The following CASK variants were observed in gnomAD, a reference collection of about 807,000 sequenced individuals.
CASK encodes the protein peripheral plasma membrane protein CASK.
Under a neutral mutation model 82.9 loss-of-function variants are expected in CASK, and 4 were observed. That is an observed-to-expected ratio of 0.05 (90% CI 0.02 to 0.11). CASK has a LOEUF of 0.11. Among genes scored for constraint, CASK ranks in the 10% least tolerant of loss-of-function variants. The pLI is 1.00. For missense variants in CASK, 358 were observed against 720.9 expected, an observed-to-expected ratio of 0.50 and a Z score of 5.76; for synonymous variants, 259 against 253.5, an observed-to-expected ratio of 1.02 and a Z score of -0.20.
At chrX:41,791,718 A>G (rs2069724716) in intron 2 of CASK, among the ~76,000 whole-genome samples, 1 of 105,867 alleles carries the variant, frequency 9.4e-6, no homozygotes, top group African/African-American at 3.5e-5. Context: ...GGGAGACTCC[A>G]TCTCAGATTA....
At chrX:41,916,870 G>A (rs1046688734) in intron 1 of CASK, among the ~76,000 whole-genome samples, 1 of 112,024 alleles carries the variant, frequency 8.9e-6, no homozygotes, top group Non-Finnish European at 1.9e-5. Context: ...GAGAGTAAAA[G>A]AAGTAGAGAA....
chrX:41,713,827 TG>T (rs1480583941), intron 5 of CASK, among the ~76,000 whole-genome samples: 1 of 111,291 alleles, frequency 9.0e-6, no homozygotes, highest in Non-Finnish European at 1.9e-5. Context: ...ATGAATAAAG[TG>T]GAAATCGATG....
intron 6 of CASK, chrX:41,665,669 T>C: frequency 2.3e-6 from 1 of 432,558 alleles, no homozygotes; most frequent in Non-Finnish European, 4.0e-6. Flanking sequence ...ATAGGTATTC[T>C]GTCTTGTACA....
intron 8 of CASK, among the ~76,000 whole-genome samples, chrX:41,656,142 G>A (rs2066935975): frequency 8.9e-6 from 1 of 111,954 alleles, no homozygotes; most frequent in Non-Finnish European, 1.9e-5. Context: ...GTGGATAAAC[G>A]GGTACTGCAA....
intron 11 of CASK, among the ~76,000 whole-genome samples, chrX:41,611,884 G>GGA (rs2147285619): frequency 9.0e-6 from 1 of 111,294 alleles, no homozygotes; most frequent in East Asian, 2.9e-4. Flanking sequence ...TTTTTTTGGT[G>GGA]GAGACGGGGT....
chrX:41,826,811 G>C (rs765476836), intron 2 of CASK, among the ~76,000 whole-genome samples: 3 of 112,095 alleles, frequency 2.7e-5, no homozygotes, highest in Non-Finnish European at 5.6e-5. Context: ...TTTGTGTATG[G>C]CTAGTCTAAT....
At chrX:41,847,540 G>T (rs184191372) in intron 2 of CASK, among the ~76,000 whole-genome samples, 1 of 111,712 alleles carries the variant, frequency 9.0e-6, no homozygotes, top group Admixed American at 9.5e-5. Flanking sequence ...GTTTGCTCAG[G>T]AACAGTTTCT....
chrX:41,848,657 G>A (rs2071204901), intron 2 of CASK, among the ~76,000 whole-genome samples: 1 of 111,613 alleles, frequency 9.0e-6, no homozygotes, highest in African/African-American at 3.3e-5. Context: ...AAACACAAAT[G>A]TACTAAGACA....
At chrX:41,714,179 C>T (rs751499545) in intron 5 of CASK, among the ~76,000 whole-genome samples, 1 of 110,970 alleles carries the variant, frequency 9.0e-6, no homozygotes, top group Admixed American at 9.6e-5. Context: ...GGTAGGAATA[C>T]GAGATTTAGA....
At chrX:41,691,060 G>A (rs2067546715) in intron 5 of CASK, among the ~76,000 whole-genome samples, 1 of 112,132 alleles carries the variant, frequency 8.9e-6, no homozygotes, top group Non-Finnish European at 1.9e-5. Flanking sequence ...CAAATGCACT[G>A]GCTTTGCTTT....
intron 3 of CASK, among the ~76,000 whole-genome samples, chrX:41,768,286 T>C (rs1305717071): frequency 1.8e-5 from 2 of 111,478 alleles, no homozygotes; most frequent in African/African-American, 6.5e-5. Flanking sequence ...CGAGGATCCC[T>C]GGCTGCTTAA....
intron 13 of CASK, among the ~76,000 whole-genome samples, chrX:41,589,151 A>G (rs2065705543): frequency 8.9e-6 from 1 of 112,378 alleles, no homozygotes; most frequent in Non-Finnish European, 1.9e-5. Flanking sequence ...TTGCTACAGA[A>G]ATTTAATTAA....
At chrX:41,642,567 T>A (rs1285890596) in intron 8 of CASK, among the ~76,000 whole-genome samples, 31 of 112,478 alleles carry the variant, frequency 2.8e-4, no homozygotes, top group Non-Finnish European at 4.9e-4. Context: ...TCTGTTCATA[T>A]CCTTCACCCA....
intron 5 of CASK, among the ~76,000 whole-genome samples, chrX:41,722,421 C>T (rs2068183039): frequency 8.9e-6 from 1 of 112,578 alleles, no homozygotes; most frequent in Non-Finnish European, 1.9e-5. Context: ...GAATTAGTTG[C>T]TTTGAGGTGA....
At chrX:41,565,466 A>C (rs1181316069) in intron 16 of CASK, among the ~76,000 whole-genome samples, 1 of 112,189 alleles carries the variant, frequency 8.9e-6, no homozygotes, top group Non-Finnish European at 1.9e-5. Context: ...ACCTCTATGC[A>C]AATAAACTAG....
chrX:41,885,612 C>T (rs959328874), intron 1 of CASK, among the ~76,000 whole-genome samples: 1 of 111,609 alleles, frequency 9.0e-6, no homozygotes, highest in African/African-American at 3.3e-5. Context: ...GTAATTTATT[C>T]CTCACAATTA....
intron 3 of CASK, among the ~76,000 whole-genome samples, chrX:41,753,990 T>A (rs2068843786): frequency 8.9e-6 from 1 of 112,348 alleles, no homozygotes; most frequent in African/African-American, 3.2e-5. Context: ...TCAGAATAAA[T>A]CATTAGAAAA....
intron 5 of CASK, among the ~76,000 whole-genome samples, chrX:41,700,330 A>G (rs1261338519): frequency 3.6e-5 from 4 of 111,995 alleles, no homozygotes; most frequent in Non-Finnish European, 7.5e-5. Context: ...GTTATCCCAC[A>G]AAAGAAAAGC....
At chrX:41,780,516 C>G (rs1290818791) in intron 3 of CASK, among the ~76,000 whole-genome samples, 2 of 112,028 alleles carry the variant, frequency 1.8e-5, no homozygotes, top group East Asian at 2.8e-4. Context: ...ACCGGATTTT[C>G]TAACCTAAAA....
Sources: allele counts gnomAD v4.1 joint callset (sites outside exome capture counted in the v4.1 genomes callset), GRCh38; gene constraint gnomAD v4.1.1; transcripts MANE v1.5; gene names NCBI Gene and HGNC (gene_info 2026-07-23, HGNC 2026-07-21).